The following RIPOR2 variants were observed in gnomAD, a reference collection of about 807,000 sequenced individuals.
The protein encoded by RIPOR2 is rho family-interacting cell polarization regulator 2.
In RIPOR2, 39 loss-of-function variants were observed where a neutral mutation model predicts 114.5. The observed-to-expected ratio is 0.34, with a 90% CI of 0.26 to 0.44. The LOEUF (loss-of-function observed/expected upper bound fraction) is 0.44. Among genes scored for constraint, RIPOR2 ranks in the 20% least tolerant of loss-of-function variants. The probability of loss-of-function intolerance (pLI) is 1.00; values close to 1 mark genes in which losing one functional copy is unlikely to be tolerated. For missense variants in RIPOR2, 1,007 were observed against 1,255.1 expected, an observed-to-expected ratio of 0.80 and a Z score of 2.99; for synonymous variants, 445 against 484.4, an observed-to-expected ratio of 0.92 and a Z score of 1.07.
intron 15 of RIPOR2, 109 bp downstream of exon 15, chr6:24,835,594 T>C: frequency 8.4e-7 from 1 of 1,190,894 alleles, no homozygotes; most frequent in Non-Finnish European, 1.2e-6. Context: ...GCAAGACTGT[T>C]CTCTTATTCC....
At chr6:24,975,726 A>G (rs1774010634) in intron 1 of RIPOR2, among the ~76,000 whole-genome samples, 1 of 152,210 alleles carries the variant, frequency 6.6e-6, no homozygotes, top group African/African-American at 2.4e-5. Flanking sequence ...TTCTCAGCAT[A>G]CAAAAAAAGT....
chr6:24,971,205 G>C (rs929844682), intron 1 of RIPOR2, among the ~76,000 whole-genome samples: 3 of 152,218 alleles, frequency 2.0e-5, no homozygotes, highest in African/African-American at 7.2e-5. Flanking sequence ...ATTCAGAATG[G>C]ACACTGGCCA....
intron 1 of RIPOR2, among the ~76,000 whole-genome samples, chr6:24,976,063 G>A (rs1409411756): frequency 3.3e-5 from 5 of 152,014 alleles, no homozygotes; most frequent in African/African-American, 7.2e-5. Context: ...AAATGCTAGC[G>A]GAAAGGTTAA....
intron 14 of RIPOR2, among the ~76,000 whole-genome samples, chr6:24,838,513 TG>T (rs1225841892): frequency 5.3e-5 from 8 of 152,046 alleles, no homozygotes; most frequent in Non-Finnish European, 1.0e-4. Flanking sequence ...ATGTGAGGGC[TG>T]GGCATAGTGG....
rs572181252 is a variant in RIPOR2 at position 24,805,660 on chromosome 6, C to G, written c.*713G>C. 6.6e-6 allele frequency: 1 copy of G among 152,164 alleles called. No individual in the cohort carries two copies. Among genetic ancestry groups the G allele is most frequent in the South Asian group, 2.1e-4 (1 of 4,812 alleles). 9.4% of individuals were successfully genotyped at this position (152,164 alleles called of 1,614,324 possible). On this transcript the variant is annotated 3_prime_UTR_variant, in exon 22 of 22. Transcript: ENST00000643898. ...AGGTAGCTAAGGGGACTACTCAACC[C>G]TGAGAACACGACCGAGAAAAACTGC...
intron 1 of RIPOR2, among the ~76,000 whole-genome samples, chr6:24,963,291 C>T (rs1483885761): frequency 6.6e-6 from 1 of 152,156 alleles, no homozygotes; most frequent in African/African-American, 2.4e-5. Flanking sequence ...CCTCGGCCTC[C>T]CAAAGTGCTG....
intron 13 of RIPOR2, chr6:24,840,632 C>T: frequency 6.5e-7 from 1 of 1,530,256 alleles, no homozygotes; most frequent in Admixed American, 2.0e-5. Flanking sequence ...TTGCAGGGAT[C>T]TGTCTCTGAC....
At chr6:24,883,000 G>A (rs1319682879) in intron 1 of RIPOR2, among the ~76,000 whole-genome samples, 2 of 152,112 alleles carry the variant, frequency 1.3e-5, no homozygotes, top group Non-Finnish European at 2.9e-5. Flanking sequence ...TTTTCTATGG[G>A]AAACAAGAGA....
chr6:25,024,177 T>C, intron 1 of RIPOR2: 2 of 1,335,416 alleles, frequency 1.5e-6, no homozygotes. Context: ...GATTTCCACT[T>C]GTTTGCTGGC....
At chr6:24,972,289 C>G (rs74323578) in intron 1 of RIPOR2, among the ~76,000 whole-genome samples, 1,804 of 152,250 alleles carry the variant, frequency 0.012, 21 homozygotes, top group African/African-American at 0.032. Context: ...AAAAGTCAAC[C>G]ATATGTAGTC....
intron 9 of RIPOR2, 56 bp downstream of exon 9, chr6:24,852,519 C>A: frequency 7.8e-7 from 1 of 1,277,922 alleles, no homozygotes; most frequent in Non-Finnish European, 1.1e-6. Flanking sequence ...GACATGACAA[C>A]TGGCCCCTAC....
intron 1 of RIPOR2, among the ~76,000 whole-genome samples, chr6:25,026,896 C>A (rs562572022): frequency 6.6e-6 from 1 of 152,130 alleles, no homozygotes; most frequent in Non-Finnish European, 1.5e-5. Flanking sequence ...TGAGAAGAGG[C>A]CACTCTGCCA....
At chr6:24,953,623 C>G (rs1772887658) in intron 1 of RIPOR2, among the ~76,000 whole-genome samples, 1 of 152,218 alleles carries the variant, frequency 6.6e-6, no homozygotes, top group South Asian at 2.1e-4. Flanking sequence ...TCACCTTTCC[C>G]TCATCCTTCT....
intron 7 of RIPOR2, among the ~76,000 whole-genome samples, chr6:24,863,401 G>C (rs1056084354): frequency 2.0e-5 from 3 of 152,158 alleles, no homozygotes; most frequent in Admixed American, 1.3e-4. Context: ...CTTGATCAAG[G>C]GTGGCTGTGT....
At chr6:24,837,427 T>C (rs1761219796) in intron 14 of RIPOR2, among the ~76,000 whole-genome samples, 1 of 151,100 alleles carries the variant, frequency 6.6e-6, no homozygotes, top group South Asian at 2.1e-4. Flanking sequence ...GCCTTATTTA[T>C]TTATTTGAGA....
At chr6:25,015,569 T>C (rs1384190541) in intron 1 of RIPOR2, 1 of 152,234 alleles carries the variant, frequency 6.6e-6, no homozygotes, top group Non-Finnish European at 1.5e-5. Context: ...TAGGATCCTC[T>C]TGACTCTGTA....
At chr6:25,041,838 A>G (rs1777470360) in intron 1 of RIPOR2, 1 of 702,130 alleles carries the variant, frequency 1.4e-6, no homozygotes, top group Non-Finnish European at 2.6e-6. Context: ...GTAACACCAG[A>G]CGGGACACTC....
At chr6:24,953,907 T>TA (rs61675016) in intron 1 of RIPOR2, among the ~76,000 whole-genome samples, 121,113 of 152,182 alleles carry the variant, frequency 0.8, 51,720 homozygotes, top group East Asian at 0.96. Context: ...ATGTAAAACT[T>TA]ACGTTCATTA....
chr6:24,928,973 A>C (rs774213394), intron 1 of RIPOR2, among the ~76,000 whole-genome samples: 1 of 152,170 alleles, frequency 6.6e-6, no homozygotes, highest in Non-Finnish European at 1.5e-5. Flanking sequence ...TGTATCCATC[A>C]CTGTGTCTTT....
Sources: gnomAD v4.1 joint callset for allele counts (sites outside exome capture counted in the v4.1 genomes callset) on GRCh38, gnomAD v4.1.1 for gene constraint, MANE v1.5 for transcripts, NCBI Gene and HGNC (gene_info 2026-07-23, HGNC 2026-07-21) for gene names.